SREBF2: variants seen among roughly 807,000 people sequenced by gnomAD.
SREBF2 encodes the protein sterol regulatory element binding transcription factor 2.
SREBF2 carries 55 observed loss-of-function variants against 113.1 expected under a neutral mutation model. The observed-to-expected ratio is 0.49, with a 90% CI of 0.39 to 0.61. SREBF2 has a LOEUF of 0.61. Among genes scored for constraint, SREBF2 ranks in the 20% least tolerant of loss-of-function variants. The probability of loss-of-function intolerance (pLI) is 0.00; values close to 1 mark genes in which losing one functional copy is unlikely to be tolerated. For missense variants in SREBF2, 1,349 were observed against 1,487.4 expected, an observed-to-expected ratio of 0.91 and a Z score of 1.53; for synonymous variants, 593 against 605.7, an observed-to-expected ratio of 0.98 and a Z score of 0.31.
intron 1 of SREBF2, among the ~76,000 whole-genome samples, chr22:41,857,425 A>C (rs2076987902): frequency 6.6e-6 from 1 of 152,232 alleles, no homozygotes; most frequent in Admixed American, 6.5e-5. Flanking sequence ...AGCACTAGAC[A>C]GAGAAGACCA....
chr22:41,900,308 C>T (rs781373789), intron 15 of SREBF2, 22 bp from the exon 16 acceptor site: 80 of 1,609,326 alleles, frequency 5.0e-5, no homozygotes, highest in African/African-American at 9.3e-5. Flanking sequence ...ACCTGCCTCT[C>T]GACTCCCTGT....
At chr22:41,885,316 T>G (rs572287958) in intron 11 of SREBF2, among the ~76,000 whole-genome samples, 2 of 152,366 alleles carry the variant, frequency 1.3e-5, no homozygotes, top group East Asian at 3.9e-4. Flanking sequence ...ACTTGGGGGT[T>G]AATATGCAAC....
At chr22:41,874,194 A>G (rs1429341855) in intron 5 of SREBF2, among the ~76,000 whole-genome samples, 175 bp downstream of exon 5, 1 of 152,188 alleles carries the variant, frequency 6.6e-6, no homozygotes, top group Non-Finnish European at 1.5e-5. Flanking sequence ...ATTAAAAAAC[A>G]TAAGGGACTG....
At chr22:41,847,641 C>T (rs1475511901) in intron 1 of SREBF2, among the ~76,000 whole-genome samples, 2 of 152,188 alleles carry the variant, frequency 1.3e-5, no homozygotes, top group Non-Finnish European at 2.9e-5. Context: ...ATCCCAGCTC[C>T]ACCACCTGCT....
At chr22:41,900,985 C>G (rs958929412) in intron 16 of SREBF2, 1 of 531,994 alleles carries the variant, frequency 1.9e-6, no homozygotes, top group Non-Finnish European at 3.9e-6. Context: ...TGGTGGTACC[C>G]ATGCAATGTT....
At chr22:41,881,848 G>A (rs1485491940) in intron 10 of SREBF2, among the ~76,000 whole-genome samples, 1 of 152,138 alleles carries the variant, frequency 6.6e-6, no homozygotes, top group Non-Finnish European at 1.5e-5. Context: ...GAGGCAGGAG[G>A]ATCACTTGCA....
chr22:41,867,699 C>T (rs912082101), intron 2 of SREBF2, among the ~76,000 whole-genome samples: 2 of 151,886 alleles, frequency 1.3e-5, no homozygotes, highest in Non-Finnish European at 2.9e-5. Context: ...CCCAGCTACT[C>T]GGGAGGCTGA....
intron 3 of SREBF2, among the ~76,000 whole-genome samples, chr22:41,870,415 A>G (rs133287): frequency 0.61 from 92,088 of 151,810 alleles, 29,643 homozygotes; most frequent in African/African-American, 0.81. Flanking sequence ...CTTGAACCCA[A>G]AAGTTCAGGA....
At chr22:41,877,674 G>A (rs1381820812) in intron 8 of SREBF2, among the ~76,000 whole-genome samples, 2 of 152,166 alleles carry the variant, frequency 1.3e-5, no homozygotes, top group African/African-American at 4.8e-5. Flanking sequence ...TGGAGGGGTG[G>A]TACCTATTTG....
intron 2 of SREBF2, 71 bp downstream of exon 2, chr22:41,867,351 A>T (rs2077092765): frequency 6.5e-7 from 1 of 1,531,388 alleles, no homozygotes; most frequent in South Asian, 1.1e-5. Flanking sequence ...AGACACTGTA[A>T]ATATTTCTGT....
At position 41,854,155 on chromosome 22, in the gene SREBF2, T is replaced by C. The variant is rs865964153; in HGVS notation, c.89-12676T>C. ...TTTGTTGTTGTTGTTTTGTGTTTTG[T>C]GTTTTTTTGTTTTTGTTTTTGTTTT... On this transcript the variant is annotated intron_variant, in intron 1 of 18. Transcript: ENST00000361204. 5.3e-5 allele frequency among the ~76,000 whole-genome samples: 8 copies of C among 152,036 alleles called. No homozygotes were observed. The Middle Eastern group carries it at 0.01, about 194-fold the overall frequency.
chr22:41,906,000 CTTCCTCAGT>C lies in SREBF2; in HGVS notation c.*343_*351del. On this transcript the variant is annotated 3_prime_UTR_variant, in exon 19 of 19. Coordinates refer to ENST00000361204, the MANE Select transcript of SREBF2 (RefSeq NM_004599.4). ...CCTGAACCCTACTCTCTCCTTTTTG[CTTCCTCAGT>C]TTTTATCAGGCTTTCTCTGGGGGAC... The C allele has an allele frequency of 3.7e-6, 2 of 533,934 alleles. No individual in the cohort carries two copies. The highest frequency in any genetic ancestry group is 7.2e-6 in the Non-Finnish European group (2 of 277,936). The allele number at this position is 533,934 out of a possible 1,614,324, so 33.1% of individuals were successfully genotyped here. A position where few individuals can be genotyped will look rare whatever the true frequency, so the allele number is the denominator to read the frequency against.
intron 1 of SREBF2, among the ~76,000 whole-genome samples, chr22:41,847,812 GTTAATTCCTGTACTTT>G (rs2076890933): frequency 6.6e-6 from 1 of 152,136 alleles, no homozygotes; most frequent in Admixed American, 6.5e-5. Context: ...CTCAGCAAAT[GTTAATTCCTGTACTTT>G]TTAAAAATTA....
chr22:41,835,128 TTTTG>T (rs1366233789), intron 1 of SREBF2, among the ~76,000 whole-genome samples: 15 of 145,060 alleles, frequency 1.0e-4, no homozygotes, highest in African/African-American at 2.8e-4. Context: ...ATTTGTCTTA[TTTTG>T]TTTATCTGAT....
At chr22:41,848,573 G>T (rs117598622) in intron 1 of SREBF2, among the ~76,000 whole-genome samples, 2 of 152,182 alleles carry the variant, frequency 1.3e-5, no homozygotes, top group South Asian at 2.1e-4. Context: ...TTGCAGCATC[G>T]TAGAGCCTAA....
chr22:41,905,098 G>C (rs1416204461), intron 18 of SREBF2, 124 bp downstream of exon 18: 3 of 965,070 alleles, frequency 3.1e-6, no homozygotes, highest in Non-Finnish European at 4.6e-6. Context: ...TCGCCTCTCT[G>C]AGAATGAAAG....
intron 1 of SREBF2, among the ~76,000 whole-genome samples, chr22:41,857,853 A>G (rs968082099): frequency 2.0e-5 from 3 of 152,062 alleles, no homozygotes; most frequent in Admixed American, 2.0e-4. Flanking sequence ...TCCCTATATT[A>G]TTGCTTGCAT....
At chr22:41,855,191 A>G (rs2076966835) in intron 1 of SREBF2, among the ~76,000 whole-genome samples, 1 of 152,106 alleles carries the variant, frequency 6.6e-6, no homozygotes, top group African/African-American at 2.4e-5. Flanking sequence ...TGATATTTAC[A>G]TAGAAAAAAG....
chr22:41,905,569 C>T lies in SREBF2; in HGVS notation c.3335C>T (p.Thr1112Ile). The stretch of plus-strand genomic sequence containing the variant: ...GTGCTGCTGGCCGAAGCTGCCCGCA[C>T]CCTGGAGAAGGTGGGCGACCGGCGC... ...RAVLLAEAAR[T>I]LEKVGDRRSC... The change falls in exon 19 of 19, where the codon ACC (threonine) becomes ATC (isoleucine). Residue 1112 changes from threonine to isoleucine, a missense_variant. By Grantham distance (89) the Thr-to-Ile change is moderately conservative. This residue lies in a region of SREBF2 where 650 missense variants were observed against 644.1 expected (regional missense o/e 1.01). Transcript: ENST00000361204. The T allele has an allele frequency of 3.8e-6, 6 of 1,597,100 alleles. No individual in the cohort carries two copies. The highest frequency in any genetic ancestry group is 5.1e-6 in the Non-Finnish European group (6 of 1,172,746).
Sources: allele counts gnomAD v4.1 joint callset (sites outside exome capture counted in the v4.1 genomes callset), GRCh38; gene constraint gnomAD v4.1.1; regional missense constraint gnomAD v4.1.1; transcripts MANE v1.5; gene names NCBI Gene and HGNC (gene_info 2026-07-23, HGNC 2026-07-21).